The following NRXN3 variants were observed in gnomAD, a reference collection of about 807,000 sequenced individuals.
The protein encoded by NRXN3 is neurexin III.
Under a neutral mutation model 137.6 loss-of-function variants are expected in NRXN3, and 32 were observed. The ratio of observed to expected loss-of-function variants is 0.23; its 90% CI spans 0.18 to 0.31. NRXN3 has a LOEUF of 0.31. Ranked by LOEUF, NRXN3 falls within the 10% of genes least tolerant of loss-of-function variation. NRXN3 has a pLI of 1.00. For missense variants in NRXN3, 1,574 were observed against 2,062.5 expected, an observed-to-expected ratio of 0.76 and a Z score of 4.59; for synonymous variants, 798 against 784.5, an observed-to-expected ratio of 1.02 and a Z score of -0.29.
At chr14:79,058,248 C>G (rs2099668596) in intron 15 of NRXN3, among the ~76,000 whole-genome samples, 1 of 152,056 alleles carries the variant, frequency 6.6e-6, no homozygotes, top group African/African-American at 2.4e-5. Context: ...CAGCAATGAT[C>G]AGTACAGTTG....
At chr14:79,578,135 C>G (rs2097682243) in intron 16 of NRXN3, among the ~76,000 whole-genome samples, 1 of 152,174 alleles carries the variant, frequency 6.6e-6, no homozygotes, top group Non-Finnish European at 1.5e-5. Flanking sequence ...ATAGGACTTA[C>G]AGGACTAACT....
At chr14:78,206,405 A>G (rs1338163013) in intron 1 of NRXN3, among the ~76,000 whole-genome samples, 1 of 152,188 alleles carries the variant, frequency 6.6e-6, no homozygotes, top group Non-Finnish European at 1.5e-5. Context: ...TGGATCACTC[A>G]TACCCCAGAA....
chr14:78,615,066 T>G (rs1320395551), intron 4 of NRXN3: 1 of 456,672 alleles, frequency 2.2e-6, no homozygotes, highest in Admixed American at 2.3e-5. Flanking sequence ...ATGGTTAGAT[T>G]AGGCTAATTG....
intron 4 of NRXN3, among the ~76,000 whole-genome samples, chr14:78,529,192 G>A (rs1018984686): frequency 2.0e-5 from 3 of 152,190 alleles, no homozygotes; most frequent in African/African-American, 7.2e-5. Context: ...AGTCAGTTTA[G>A]CACCAAATCT....
At chr14:79,111,931 TA>T (rs1256073906) in intron 15 of NRXN3, among the ~76,000 whole-genome samples, 1 of 152,180 alleles carries the variant, frequency 6.6e-6, no homozygotes, top group African/African-American at 2.4e-5. Flanking sequence ...AACAACCTGT[TA>T]TCCATAATAG....
intron 15 of NRXN3, among the ~76,000 whole-genome samples, chr14:79,113,584 T>C (rs866970468): frequency 1.2e-4 from 18 of 152,224 alleles, no homozygotes; most frequent in African/African-American, 4.1e-4. Context: ...TTTTGAAAAG[T>C]AGTCTTCATT....
chr14:78,448,170 A>G (rs865872552), intron 4 of NRXN3, among the ~76,000 whole-genome samples: 4 of 152,280 alleles, frequency 2.6e-5, no homozygotes, highest in South Asian at 4.1e-4. Context: ...TGTTCAACTT[A>G]TGATCTCCTT....
At chr14:78,349,286 A>G (rs900537101) in intron 4 of NRXN3, among the ~76,000 whole-genome samples, 32 of 152,294 alleles carry the variant, frequency 2.1e-4, no homozygotes, top group African/African-American at 5.5e-4. Context: ...TTGCCGGCCA[A>G]TGTTACCCCT....
chr14:78,718,774 A>C (rs935333655), intron 8 of NRXN3, among the ~76,000 whole-genome samples: 2 of 152,180 alleles, frequency 1.3e-5, no homozygotes, highest in East Asian at 3.9e-4. Flanking sequence ...CCAACTGTTT[A>C]GCTCTAATTA....
chr14:78,748,786 G>C (rs1448258426), intron 8 of NRXN3, among the ~76,000 whole-genome samples: 1 of 152,182 alleles, frequency 6.6e-6, no homozygotes, highest in Non-Finnish European at 1.5e-5. Context: ...CTAGTCAACT[G>C]TTTTGAGCTA....
At chr14:79,215,139 C>A (rs984876442) in intron 15 of NRXN3, among the ~76,000 whole-genome samples, 6 of 152,080 alleles carry the variant, frequency 3.9e-5, no homozygotes, top group Non-Finnish European at 8.8e-5. Context: ...AAAGTATTCT[C>A]CTGTATTAAG....
At chr14:79,713,556 T>C (rs1005561032) in intron 19 of NRXN3, among the ~76,000 whole-genome samples, 3 of 139,462 alleles carry the variant, frequency 2.2e-5, no homozygotes, top group Non-Finnish European at 3.1e-5. Context: ...CTTACTGGAA[T>C]TGTGTAGTGA....
chr14:78,418,453 T>G (rs1422311131), intron 4 of NRXN3, among the ~76,000 whole-genome samples: 1 of 152,112 alleles, frequency 6.6e-6, no homozygotes, highest in Non-Finnish European at 1.5e-5. Flanking sequence ...ATTCCCACAT[T>G]GGTAGCTAAG....
intron 4 of NRXN3, among the ~76,000 whole-genome samples, chr14:78,551,694 T>G (rs1275421649): frequency 6.8e-6 from 1 of 146,568 alleles, no homozygotes; most frequent in East Asian, 2.2e-4. Flanking sequence ...CCTTTCTCCT[T>G]TTCCCATCCC....
At chr14:78,565,673 A>G (rs985531900) in intron 4 of NRXN3, among the ~76,000 whole-genome samples, 1 of 152,220 alleles carries the variant, frequency 6.6e-6, no homozygotes. Context: ...AGTACTTTGA[A>G]TATTGCAAAA....
At chr14:79,092,821 G>T (rs1402020509) in intron 15 of NRXN3, among the ~76,000 whole-genome samples, 1 of 151,996 alleles carries the variant, frequency 6.6e-6, no homozygotes, top group East Asian at 1.9e-4. Flanking sequence ...GAGACCCTTG[G>T]GTCTCCTTTC....
At chr14:79,653,843 C>A (rs1242264118) in intron 16 of NRXN3, among the ~76,000 whole-genome samples, 1 of 152,160 alleles carries the variant, frequency 6.6e-6, no homozygotes, top group Admixed American at 6.6e-5. Context: ...CAGTAAAGGA[C>A]AGCAGAAGCT....
chr14:78,320,927 C>T (rs1380511991), intron 4 of NRXN3, among the ~76,000 whole-genome samples: 1 of 151,838 alleles, frequency 6.6e-6, no homozygotes, highest in Non-Finnish European at 1.5e-5. Context: ...ACCATCCTGC[C>T]CAACATGGTG....
At chr14:79,299,475 T>C (rs1397246849) in intron 15 of NRXN3, among the ~76,000 whole-genome samples, 3 of 152,092 alleles carry the variant, frequency 2.0e-5, no homozygotes, top group African/African-American at 7.2e-5. Flanking sequence ...ACAGACAATA[T>C]GCAAACAAAT....
Sources: allele counts gnomAD v4.1 joint callset (sites outside exome capture counted in the v4.1 genomes callset), GRCh38; gene constraint gnomAD v4.1.1; transcripts MANE v1.5; gene names NCBI Gene and HGNC (gene_info 2026-07-23, HGNC 2026-07-21).